Variants in PHACTR1 observed in about 807,000 individuals in gnomAD.
PHACTR1 encodes the protein RPEL repeat containing 1.
PHACTR1 carries 16 observed loss-of-function variants against 69.2 expected under a neutral mutation model. That is an observed-to-expected ratio of 0.23 (90% CI 0.16 to 0.35). The LOEUF (loss-of-function observed/expected upper bound fraction) is 0.35, where lower values mean the gene tolerates loss of function less well. Ranked by LOEUF, PHACTR1 falls within the 10% of genes least tolerant of loss-of-function variation. The pLI is 1.00. For missense variants in PHACTR1, 510 were observed against 734.7 expected, an observed-to-expected ratio of 0.69 and a Z score of 3.54; for synonymous variants, 312 against 284.5, an observed-to-expected ratio of 1.10 and a Z score of -0.97.
intron 4 of PHACTR1, among the ~76,000 whole-genome samples, chr6:12,804,346 G>A (rs1379783649): frequency 2.0e-5 from 3 of 152,112 alleles, no homozygotes; most frequent in Admixed American, 6.6e-5. Flanking sequence ...AAATTTTTCT[G>A]ATTTCTTCTC....
intron 7 of PHACTR1, among the ~76,000 whole-genome samples, chr6:13,191,279 G>A (rs1039794922): frequency 6.6e-6 from 1 of 152,156 alleles, no homozygotes; most frequent in Admixed American, 6.5e-5. Flanking sequence ...GTCTCTCTTG[G>A]TAACTGATAA....
chr6:13,026,386 T>C (rs1196382979), intron 4 of PHACTR1, among the ~76,000 whole-genome samples: 2 of 152,164 alleles, frequency 1.3e-5, no homozygotes, highest in Non-Finnish European at 1.5e-5. Context: ...TAAAATTCTG[T>C]GATATTTTAA....
chr6:12,892,057 A>T (rs1299484383), intron 4 of PHACTR1, among the ~76,000 whole-genome samples: 1 of 150,916 alleles, frequency 6.6e-6, no homozygotes, highest in Non-Finnish European at 1.5e-5. Flanking sequence ...CTACTAGCTT[A>T]TGCTAAAAAT....
chr6:12,845,891 A>G (rs1307267015), intron 4 of PHACTR1, among the ~76,000 whole-genome samples: 1 of 152,228 alleles, frequency 6.6e-6, no homozygotes, highest in African/African-American at 2.4e-5. Flanking sequence ...TTCATCTGAC[A>G]AAGTAAGCAA....
chr6:12,861,275 C>T (rs1053999664), intron 4 of PHACTR1, among the ~76,000 whole-genome samples: 1 of 152,092 alleles, frequency 6.6e-6, no homozygotes, highest in East Asian at 1.9e-4. Context: ...AACAAGTCAC[C>T]CAACGCTACT....
chr6:13,126,564 TA>T (rs1458352830), intron 5 of PHACTR1, among the ~76,000 whole-genome samples: 1 of 152,226 alleles, frequency 6.6e-6, no homozygotes. Context: ...GTATCCAAGC[TA>T]AATATCTACC....
intron 5 of PHACTR1, among the ~76,000 whole-genome samples, chr6:13,138,751 TA>T (rs746434641): frequency 4.6e-5 from 7 of 152,360 alleles, no homozygotes; most frequent in Non-Finnish European, 7.3e-5. Context: ...ACCCACTAAC[TA>T]GGTGCATTTC....
At chr6:13,002,394 G>C (rs749991745) in intron 4 of PHACTR1, among the ~76,000 whole-genome samples, 3 of 151,912 alleles carry the variant, frequency 2.0e-5, no homozygotes, top group Admixed American at 6.6e-5. Context: ...ACTCTGCATG[G>C]AATTACCTAT....
intron 8 of PHACTR1, among the ~76,000 whole-genome samples, chr6:13,207,401 G>A (rs1766097614): frequency 6.6e-6 from 1 of 152,154 alleles, no homozygotes; most frequent in Non-Finnish European, 1.5e-5. Context: ...CACTTGTGAG[G>A]CTAATATTTG....
chr6:12,949,405 A>G (rs1582650926), intron 4 of PHACTR1, among the ~76,000 whole-genome samples: 1 of 152,212 alleles, frequency 6.6e-6, no homozygotes, highest in African/African-American at 2.4e-5. Context: ...ATAGTAACTC[A>G]AGGGCAACAT....
At chr6:12,834,634 A>C (rs920142880) in intron 4 of PHACTR1, among the ~76,000 whole-genome samples, 3 of 152,184 alleles carry the variant, frequency 2.0e-5, no homozygotes, top group Non-Finnish European at 4.4e-5. Context: ...TGGAAACAAA[A>C]ACTTGAGTAA....
chr6:13,142,261 C>G (rs557464786), intron 5 of PHACTR1, among the ~76,000 whole-genome samples: 105 of 152,340 alleles, frequency 6.9e-4, no homozygotes, highest in Admixed American at 1.8e-3. Flanking sequence ...CGCCACCACA[C>G]CTGGCTAATT....
intron 5 of PHACTR1, among the ~76,000 whole-genome samples, chr6:13,132,254 G>A (rs1489723663): frequency 6.6e-6 from 1 of 152,072 alleles, no homozygotes; most frequent in Non-Finnish European, 1.5e-5. Flanking sequence ...TCATCATGGA[G>A]CCAAACTCTT....
chr6:12,733,089 C>T (rs1202208515), intron 3 of PHACTR1, among the ~76,000 whole-genome samples: 2 of 152,196 alleles, frequency 1.3e-5, no homozygotes, highest in Non-Finnish European at 2.9e-5. Context: ...CTTTCCCCTC[C>T]ACAAACACAA....
At chr6:13,243,693 A>G (rs6913698) in intron 10 of PHACTR1, among the ~76,000 whole-genome samples, 12,283 of 152,214 alleles carry the variant, frequency 0.081, 1,542 homozygotes, top group African/African-American at 0.27. Context: ...TCACCCAGGT[A>G]ATAAGCATAG....
At chr6:13,271,291 C>G (rs543385163) in intron 10 of PHACTR1, among the ~76,000 whole-genome samples, 7 of 152,256 alleles carry the variant, frequency 4.6e-5, no homozygotes, top group African/African-American at 1.7e-4. Flanking sequence ...CATCCAAGCA[C>G]CTTGCACCAG....
intron 7 of PHACTR1, chr6:13,184,721 T>C (rs1460619034): frequency 2.6e-6 from 3 of 1,164,122 alleles, no homozygotes; most frequent in Non-Finnish European, 3.6e-6. Flanking sequence ...CCCGAGTCCC[T>C]GTCCTGTGTT....
At chr6:13,178,577 A>G (rs1242442267) in intron 6 of PHACTR1, among the ~76,000 whole-genome samples, 1 of 152,248 alleles carries the variant, frequency 6.6e-6, no homozygotes, top group Non-Finnish European at 1.5e-5. Flanking sequence ...AATAGCCTCC[A>G]GCGGGTTGCT....
intron 5 of PHACTR1, among the ~76,000 whole-genome samples, chr6:13,134,704 A>T (rs1821252826): frequency 1.3e-5 from 2 of 149,898 alleles, no homozygotes; most frequent in African/African-American, 4.9e-5. Flanking sequence ...CCTTGTTCAC[A>T]TGTTTATCTG....
Sources: allele counts gnomAD v4.1 joint callset (sites outside exome capture counted in the v4.1 genomes callset), GRCh38; gene constraint gnomAD v4.1.1; transcripts MANE v1.5; gene names NCBI Gene and HGNC (gene_info 2026-07-23, HGNC 2026-07-21).